ANKS1B: variants seen among roughly 807,000 people sequenced by gnomAD.
The protein encoded by ANKS1B is ankyrin repeat and sterile alpha motif domain containing 1B, also known as ankyrin repeat and sterile alpha motif domain-containing protein 1B.
ANKS1B carries 36 observed loss-of-function variants against 148.3 expected under a neutral mutation model. That is an observed-to-expected ratio of 0.24 (90% CI 0.19 to 0.32). The LOEUF (loss-of-function observed/expected upper bound fraction) is 0.32. Among genes scored for constraint, ANKS1B ranks in the 10% least tolerant of loss-of-function variants. The probability of loss-of-function intolerance (pLI) is 1.00; values close to 1 mark genes in which losing one functional copy is unlikely to be tolerated. For synonymous variants in ANKS1B, 542 were observed against 560.8 expected, an observed-to-expected ratio of 0.97 and a Z score of 0.47; for missense variants, 1,157 against 1,542.6, an observed-to-expected ratio of 0.75 and a Z score of 4.19.
chr12:98,787,358 C>T (rs540078782), intron 22 of ANKS1B, among the ~76,000 whole-genome samples: 3 of 152,186 alleles, frequency 2.0e-5, no homozygotes, highest in South Asian at 2.1e-4. Context: ...CCACTTTTCC[C>T]GTGCACTGCC....
At chr12:99,668,919 GT>G (rs1335386429) in intron 8 of ANKS1B, among the ~76,000 whole-genome samples, 4 of 151,870 alleles carry the variant, frequency 2.6e-5, no homozygotes, top group Non-Finnish European at 5.9e-5. Flanking sequence ...ACAGTCTGCT[GT>G]TTATTGCATC....
intron 14 of ANKS1B, among the ~76,000 whole-genome samples, chr12:99,206,687 A>T (rs2082709814): frequency 6.6e-6 from 1 of 152,192 alleles, no homozygotes; most frequent in African/African-American, 2.4e-5. Flanking sequence ...ATCCATACCG[A>T]GTCCAGGCAC....
In ANKS1B at chr12:98,793,547, T is replaced by A. The variant is rs544918093; in HGVS notation, c.3342+5387A>T. ...AAAGGAAACAACAGCAAAGGAGACA[T>A]CTTAGAGAATGGGAGAAAATATTTG... On this transcript the variant is annotated intron_variant, in intron 22 of 26. Coordinates refer to ENST00000683438, the MANE Select transcript of ANKS1B (RefSeq NM_001352186.2). 3.3e-5 allele frequency among the ~76,000 whole-genome samples: 5 copies of A among 152,284 alleles called. No individual in the cohort carries two copies. In the East Asian group the frequency reaches 9.6e-4, roughly 29 times the overall value.
At chr12:99,289,581 A>G (rs2079620645) in intron 12 of ANKS1B, among the ~76,000 whole-genome samples, 1 of 152,090 alleles carries the variant, frequency 6.6e-6, no homozygotes, top group Non-Finnish European at 1.5e-5. Context: ...TTCTCTGACC[A>G]CAATGGAATG....
At chr12:99,699,639 G>GT in intron 8 of ANKS1B, among the ~76,000 whole-genome samples, 1 of 152,062 alleles carries the variant, frequency 6.6e-6, no homozygotes, top group Non-Finnish European at 1.5e-5. Context: ...CTCCTTACTT[G>GT]CTAAACGATA....
chr12:98,837,050 G>A (rs2099368344), intron 17 of ANKS1B, among the ~76,000 whole-genome samples: 1 of 152,098 alleles, frequency 6.6e-6, no homozygotes, highest in South Asian at 2.1e-4. Context: ...AATAAAAGTT[G>A]GCCAGGCGCA....
At chr12:99,878,396 G>A (rs1432468719) in intron 1 of ANKS1B, among the ~76,000 whole-genome samples, 1 of 152,188 alleles carries the variant, frequency 6.6e-6, no homozygotes, top group East Asian at 1.9e-4. Flanking sequence ...GGTTGAAAGA[G>A]ACAAACTGGA....
intron 15 of ANKS1B, among the ~76,000 whole-genome samples, chr12:99,122,688 C>A (rs1430037852): frequency 1.3e-5 from 2 of 152,282 alleles, no homozygotes; most frequent in Admixed American, 6.5e-5. Context: ...GCCAACTTGC[C>A]TGGCTTTCAG....
At chr12:98,915,361 AT>A (rs34154871) in intron 17 of ANKS1B, among the ~76,000 whole-genome samples, 4 of 151,474 alleles carry the variant, frequency 2.6e-5, no homozygotes, top group South Asian at 2.1e-4. Flanking sequence ...GTGAGACAGA[AT>A]TTTTTTTTAG....
intron 9 of ANKS1B, among the ~76,000 whole-genome samples, chr12:98,737,085 G>C (rs1352153538): frequency 6.6e-6 from 1 of 152,154 alleles, no homozygotes; most frequent in East Asian, 1.9e-4. Flanking sequence ...CTCATTGCCT[G>C]CACTAAGAGA....
chr12:99,018,896 T>C (rs1410455123), intron 17 of ANKS1B, among the ~76,000 whole-genome samples: 4 of 152,194 alleles, frequency 2.6e-5, no homozygotes, highest in African/African-American at 9.7e-5. Flanking sequence ...TGAACTGAGA[T>C]TGCGCCACTG....
chr12:99,359,286 T>C (rs537018139), intron 12 of ANKS1B, among the ~76,000 whole-genome samples: 19 of 152,280 alleles, frequency 1.2e-4, no homozygotes, highest in African/African-American at 3.8e-4. Context: ...TTAATGTACA[T>C]GTTAGCTCCC....
At chr12:99,765,233 T>C (rs996180890) in intron 8 of ANKS1B, among the ~76,000 whole-genome samples, 27 of 152,350 alleles carry the variant, frequency 1.8e-4, no homozygotes, top group African/African-American at 6.0e-4. Context: ...ATAAAGGAGA[T>C]AATGATTTTT....
At chr12:99,428,123 G>A (rs1333783092) in intron 11 of ANKS1B, among the ~76,000 whole-genome samples, 1 of 152,214 alleles carries the variant, frequency 6.6e-6, no homozygotes, top group Non-Finnish European at 1.5e-5. Flanking sequence ...ACATGGGAAG[G>A]AGTCTGGCAT....
In ANKS1B at chr12:98,745,230, T is replaced by C. The variant is rs2097854060; in HGVS notation, c.*509A>G. ...GGCAATCATATCACGGGAGTTGTTT[T>C]TGTCCTTTTGCATTAAACGATACTC... On this transcript the variant is annotated 3_prime_UTR_variant, in exon 27 of 27. Transcript: ENST00000683438. 1 of 985,848 alleles carries C rather than the reference T, an allele frequency of 1.0e-6. No individual in the cohort carries two copies. Among genetic ancestry groups the C allele is most frequent in the Non-Finnish European group, 1.2e-6 (1 of 829,952 alleles). 61.1% of individuals were successfully genotyped at this position (985,848 alleles called of 1,614,324 possible).
At chr12:99,956,264 G>A (rs1252434475) in intron 1 of ANKS1B, among the ~76,000 whole-genome samples, 1 of 146,606 alleles carries the variant, frequency 6.8e-6, no homozygotes, top group East Asian at 2.0e-4. Context: ...AGTGACAGAG[G>A]GAGACTCTGT....
intron 9 of ANKS1B, among the ~76,000 whole-genome samples, chr12:99,586,883 C>T (rs568482270): frequency 1.3e-5 from 2 of 152,058 alleles, no homozygotes; most frequent in Non-Finnish European, 2.9e-5. Context: ...AAAACCTGCC[C>T]CCATGATTCA....
At chr12:99,116,698 A>G (rs993137197) in intron 15 of ANKS1B, among the ~76,000 whole-genome samples, 1 of 152,084 alleles carries the variant, frequency 6.6e-6, no homozygotes, top group Non-Finnish European at 1.5e-5. Context: ...TTTTTGTTCC[A>G]TATGAAATTT....
At chr12:99,625,934 T>C (rs939008549) in intron 9 of ANKS1B, among the ~76,000 whole-genome samples, 2 of 152,128 alleles carry the variant, frequency 1.3e-5, no homozygotes, top group East Asian at 1.9e-4. Flanking sequence ...TTGTGGAACA[T>C]GGGCACTTGG....
Sources: allele counts gnomAD v4.1 joint callset (sites outside exome capture counted in the v4.1 genomes callset), GRCh38; gene constraint gnomAD v4.1.1; transcripts MANE v1.5; gene names NCBI Gene and HGNC (gene_info 2026-07-23, HGNC 2026-07-21).